The following ADGRE3 variants were observed in gnomAD, a reference collection of about 807,000 sequenced individuals.
The protein encoded by ADGRE3 is EGF-like module receptor 3.
A neutral mutation model predicts 80.1 loss-of-function variants in ADGRE3; 88 were observed. The ratio of observed to expected loss-of-function variants is 1.10; its 90% CI spans 0.93 to 1.31. The LOEUF (loss-of-function observed/expected upper bound fraction) is 1.31. Ranked by LOEUF, ADGRE3 falls within the 40% of genes most tolerant of loss-of-function variation. ADGRE3 has a pLI of 0.00. For missense variants in ADGRE3, 715 were observed against 776.5 expected (o/e 0.92, Z 0.94); for synonymous variants, 281 against 294.8 (o/e 0.95, Z 0.48).
chr19:14,638,345 G>A lies in ADGRE3; in HGVS notation c.1249-5C>T. On this transcript the variant is annotated splice_polypyrimidine_tract_variant and splice_region_variant and intron_variant, in intron 10 of 15. Transcript: ENST00000253673. ...GGCGATGATGGAGCACAGCACCTGG[G>A]GGAGGAGAAAGGGATGCCTGAAGGG... 6.2e-7 allele frequency: 1 copy of A among 1,611,996 alleles called. No individual in the cohort carries two copies. The highest frequency in any genetic ancestry group is 8.5e-7 in the Non-Finnish European group (1 of 1,178,148).
intron 7 of ADGRE3, among the ~76,000 whole-genome samples, 194 bp downstream of exon 7, chr19:14,650,891 C>T (rs905209329): frequency 6.6e-6 from 1 of 152,126 alleles, no homozygotes; most frequent in African/African-American, 2.4e-5. Context: ...TTGCAAAGTC[C>T]CTCCCATACT....
rs1220584814 is a variant in ADGRE3, at chr19:14,647,336, AAT to A, written c.725_726del (p.Tyr242PhefsTer13). The A allele has an allele frequency of 1.2e-6, 2 of 1,611,478 alleles. No individual in the cohort carries two copies. Among genetic ancestry groups the A allele is most frequent in the African/African-American group, 1.3e-5 (1 of 74,844 alleles). On this transcript the variant is annotated frameshift_variant, in exon 8 of 16. Transcript: ENST00000253673. LOFTEE classifies it high-confidence loss of function. The part of the protein sequence containing the change: ...QGPSAIAFIS[Y>X]SSLGNIINAT... ...GCATTTATGATGTTTCCAAGAGAAGAATATGAGATAAAGGCAATGGCACTGGG... is the reference window on the plus strand; with the variant it reads ...GCATTTATGATGTTTCCAAGAGAAGAATGAGATAAAGGCAATGGCACTGGG...
At chr19:14,601,157 C>G in the ADGRE3 span, among the ~76,000 whole-genome samples, 1 of 151,978 alleles carries the variant, frequency 6.6e-6, no homozygotes, top group Non-Finnish European at 1.5e-5. Flanking sequence ...CCCACCTCTG[C>G]CTCCCAAAGT....
Position 14,619,148 on chromosome 19 carries a change from A to G in ADGRE3, c.*285T>C. The G allele has an allele frequency of 2.5e-6, 1 of 395,322 alleles. No individual in the cohort carries two copies. Among genetic ancestry groups the G allele is most frequent in the South Asian group, 2.7e-5 (1 of 37,036 alleles). 24.5% of individuals were successfully genotyped at this position (395,322 alleles called of 1,614,324 possible). On this transcript the variant is annotated 3_prime_UTR_variant, in exon 16 of 16. Coordinates refer to ENST00000253673, the MANE Select transcript of ADGRE3 (RefSeq NM_032571.5). ...GAGTGGGACTAAGAACTTGAGGAAA[A>G]GGACCTCTTCATTTACAAAAAGTCA...
At chr19:14,607,553 A>ATTT in the ADGRE3 span, among the ~76,000 whole-genome samples, 1 of 93,572 alleles carries the variant, frequency 1.1e-5, no homozygotes, top group African/African-American at 3.1e-5. Context: ...TTATTTTATT[A>ATTT]TTTATTTATT....
chr19:14,614,813 G>A (rs2075065985), downstream of ADGRE3, among the ~76,000 whole-genome samples: 1 of 151,756 alleles, frequency 6.6e-6, no homozygotes, highest in Non-Finnish European at 1.5e-5. Context: ...CTGGCTTCAA[G>A]TGATCTGCCT....
intron 12 of ADGRE3, 91 bp downstream of exon 12, chr19:14,633,145 A>C: frequency 7.5e-7 from 1 of 1,338,866 alleles, no homozygotes; most frequent in Non-Finnish European, 1.1e-6. Flanking sequence ...CAAACCACCC[A>C]ACAGTGGAAA....
At chr19:14,606,158 G>T in the ADGRE3 span, among the ~76,000 whole-genome samples, 1 of 150,540 alleles carries the variant, frequency 6.6e-6, no homozygotes, top group African/African-American at 2.5e-5. Flanking sequence ...GCACAAAAGT[G>T]CAAGAGAAAC....
chr19:14,647,334 A>G lies in ADGRE3; in HGVS notation c.729T>C (p.Ser243=), dbSNP rs772082236. 3 of 1,611,684 alleles carry G rather than the reference A, an allele frequency of 1.9e-6. No individual in the cohort carries two copies. The highest frequency in any genetic ancestry group is 3.3e-5 in the Admixed American group (2 of 59,994). The part of the protein sequence containing the change: ...GPSAIAFISY[S]SLGNIINATF... ...TTGCATTTATGATGTTTCCAAGAGAAGAATATGAGATAAAGGCAATGGCAC... is the reference window on the plus strand; with the variant it reads ...TTGCATTTATGATGTTTCCAAGAGAGGAATATGAGATAAAGGCAATGGCAC... Residue 243 remains serine (S), a synonymous_variant, in exon 8 of 16, where the codon TCT becomes TCC. Transcript: ENST00000253673.
At chr19:14,632,446 A>G (rs1380082780) in intron 13 of ADGRE3, among the ~76,000 whole-genome samples, 1 of 152,154 alleles carries the variant, frequency 6.6e-6, no homozygotes, top group Non-Finnish European at 1.5e-5. Flanking sequence ...TAGAGACTAC[A>G]TTTCCCAGCC....
At chr19:14,646,862 C>T (rs1222449552) in intron 8 of ADGRE3, among the ~76,000 whole-genome samples, 2 of 151,920 alleles carry the variant, frequency 1.3e-5, no homozygotes, top group Non-Finnish European at 2.9e-5. Context: ...CCTCCAACTC[C>T]TGGGCTCAAG....
chr19:14,601,542 G>T, the ADGRE3 span, among the ~76,000 whole-genome samples: 1 of 152,114 alleles, frequency 6.6e-6, no homozygotes, highest in South Asian at 2.1e-4. Context: ...ACAGCTAGTG[G>T]GATTTAAGCC....
chr19:14,617,554 C>T (rs1348853941), downstream of ADGRE3, among the ~76,000 whole-genome samples: 3 of 151,576 alleles, frequency 2.0e-5, no homozygotes, highest in Non-Finnish European at 1.5e-5. Flanking sequence ...CCTGCCACCA[C>T]GCCTGGCTAA....
At chr19:14,673,573 G>T (rs1358974467) in intron 1 of ADGRE3, among the ~76,000 whole-genome samples, 1 of 152,164 alleles carries the variant, frequency 6.6e-6, no homozygotes, top group Non-Finnish European at 1.5e-5. Flanking sequence ...TCAAATCCCA[G>T]CTCTCTTATT....
chr19:14,644,325 C>CTTTT, intron 8 of ADGRE3, 50 bp from the exon 9 acceptor site: 3 of 1,040,144 alleles, frequency 2.9e-6, no homozygotes, highest in South Asian at 2.3e-5. Flanking sequence ...TTCTTTCTTT[C>CTTTT]TTTTTTTTTT....
chr19:14,626,335 G>A (rs1051780137), intron 14 of ADGRE3, among the ~76,000 whole-genome samples: 6 of 152,058 alleles, frequency 3.9e-5, no homozygotes, highest in Non-Finnish European at 7.4e-5. Flanking sequence ...TACTCCAGAG[G>A]CTGAGGTAGG....
the ADGRE3 span, among the ~76,000 whole-genome samples, chr19:14,600,891 C>CT: frequency 7.4e-3 from 471 of 63,226 alleles, 65 homozygotes; most frequent in East Asian, 0.012. Flanking sequence ...GCTCGGCCTT[C>CT]TTTTTTTTTT....
At chr19:14,671,088 C>T (rs1039659344) in intron 1 of ADGRE3, among the ~76,000 whole-genome samples, 1 of 152,134 alleles carries the variant, frequency 6.6e-6, no homozygotes, top group Non-Finnish European at 1.5e-5. Flanking sequence ...GAGAAGAGGC[C>T]CTGGGGGCTA....
the ADGRE3 span, among the ~76,000 whole-genome samples, chr19:14,611,422 G>A: frequency 8.5e-5 from 12 of 140,450 alleles, no homozygotes; most frequent in African/African-American, 3.3e-4. Context: ...CTACTACCCA[G>A]GCTGGAGTGC....
Sources: allele counts gnomAD v4.1 joint callset (sites outside exome capture counted in the v4.1 genomes callset), GRCh38; gene constraint gnomAD v4.1.1; transcripts MANE v1.5; gene names NCBI Gene and HGNC (gene_info 2026-07-23, HGNC 2026-07-21).